Variants in MCCC2 observed in about 807,000 individuals in gnomAD.
MCCC2 encodes the protein methylcrotonyl-CoA carboxylase subunit 2, also known as methylcrotonoyl-CoA carboxylase beta chain, mitochondrial.
MCCC2 carries 52 observed loss-of-function variants against 77.2 expected under a neutral mutation model. The ratio of observed to expected loss-of-function variants is 0.67; its 90% confidence interval spans 0.54 to 0.85. The LOEUF (loss-of-function observed/expected upper bound fraction) is 0.85, where lower values mean the gene tolerates loss of function less well. MCCC2 is among the 40% of genes least tolerant of loss of function. MCCC2 has a pLI of 0.00. For missense variants in MCCC2, 682 were observed against 703.2 expected (o/e 0.97, Z 0.34); for synonymous variants, 253 against 248.4 (o/e 1.02, Z -0.18).
chr5:71,633,373 T>C (rs897428638), intron 8 of MCCC2, among the ~76,000 whole-genome samples: 2 of 151,954 alleles, frequency 1.3e-5, no homozygotes, highest in African/African-American at 4.8e-5. Context: ...CCTATTCCCC[T>C]TGGGACTTAG....
chr5:71,616,437 T>C (rs950559706), intron 6 of MCCC2, among the ~76,000 whole-genome samples: 7 of 152,218 alleles, frequency 4.6e-5, no homozygotes, highest in African/African-American at 1.7e-4. Flanking sequence ...CTGTAAGAAC[T>C]GAATTGGATT....
chr5:71,594,460 G>A (rs1326741051), intron 2 of MCCC2, among the ~76,000 whole-genome samples: 1 of 151,738 alleles, frequency 6.6e-6, no homozygotes, highest in East Asian at 1.9e-4. Flanking sequence ...CCTGGGAGGC[G>A]GAGGTTGCAG....
At chr5:71,633,957 G>A (rs1197662078) in intron 8 of MCCC2, among the ~76,000 whole-genome samples, 1 of 152,150 alleles carries the variant, frequency 6.6e-6, no homozygotes, top group Non-Finnish European at 1.5e-5. Context: ...ATGAAAAAGA[G>A]TAAACGTGGT....
intron 6 of MCCC2, among the ~76,000 whole-genome samples, chr5:71,617,709 A>G (rs990920629): frequency 2.6e-5 from 4 of 152,198 alleles, no homozygotes; most frequent in Non-Finnish European, 5.9e-5. Context: ...GATAGTAAGC[A>G]CCAGCTTCCT....
intron 10 of MCCC2, among the ~76,000 whole-genome samples, chr5:71,639,795 A>G (rs183008138): frequency 1.3e-5 from 2 of 152,352 alleles, no homozygotes; most frequent in Admixed American, 6.5e-5. Flanking sequence ...TTTTACAGGT[A>G]TATAGCACCC....
intron 6 of MCCC2, among the ~76,000 whole-genome samples, chr5:71,622,417 T>G (rs569267800): frequency 1.4e-4 from 21 of 152,164 alleles, no homozygotes; most frequent in Non-Finnish European, 2.5e-4. Flanking sequence ...TTTGACTCAT[T>G]AAAAAAATTT....
chr5:71,641,799 C>A (rs1415946577), intron 11 of MCCC2, among the ~76,000 whole-genome samples: 1 of 152,080 alleles, frequency 6.6e-6, no homozygotes, highest in East Asian at 1.9e-4. Flanking sequence ...AGGAAAAAAA[C>A]TAGCTGCAGA....
chr5:71,633,121 A>ATTTTTTTTT (rs1231509058), intron 8 of MCCC2, among the ~76,000 whole-genome samples: 10 of 29,828 alleles, frequency 3.4e-4, no homozygotes, highest in African/African-American at 5.9e-4. Flanking sequence ...ATATATATAT[A>ATTTTTTTTT]TATATATATA....
chr5:71,593,048 G>A, intron 2 of MCCC2, 56 bp downstream of exon 2: 1 of 1,349,334 alleles, frequency 7.4e-7, no homozygotes, highest in Admixed American at 1.8e-5. Flanking sequence ...TCCTAAAATA[G>A]TTATTGCTTT....
chr5:71,599,546 G>A lies in MCCC2; in HGVS notation c.282-113G>A. 5 of 796,854 alleles carry A rather than the reference G, an allele frequency of 6.3e-6. No homozygotes were observed. The South Asian group carries it at 7.2e-5, about 12-fold the overall frequency. 49.4% of individuals were successfully genotyped at this position (796,854 alleles called of 1,614,324 possible). A position where few individuals can be genotyped will look rare whatever the true frequency, so the allele number is the denominator to read the frequency against. On this transcript the variant is annotated intron_variant, in intron 3 of 16. Coordinates refer to ENST00000340941, the MANE Select transcript of MCCC2 (RefSeq NM_022132.5). ...AAAATAGATTTTATATACAACATGT[G>A]TATTTGAAATATTGTCCCATTGAGG...
Position 71,656,727 on chromosome 5 carries a change from T to C in MCCC2, c.1575-16T>C. 6.3e-7 allele frequency: 1 copy of C among 1,596,666 alleles called. No homozygotes were observed. Among genetic ancestry groups the C allele is most frequent in the East Asian group, 2.2e-5 (1 of 44,794 alleles). The stretch of plus-strand genomic sequence containing the variant: ...TTGGTGGTAAATTCATAACTCTTTT[T>C]TTGTTCTTTTGTCAGGGTATGGGAT... On this transcript the variant is annotated splice_polypyrimidine_tract_variant and intron_variant, in intron 16 of 16. Coordinates refer to ENST00000340941, the MANE Select transcript of MCCC2 (RefSeq NM_022132.5).
intron 6 of MCCC2, among the ~76,000 whole-genome samples, chr5:71,625,266 G>T (rs1746498709): frequency 6.6e-6 from 1 of 152,182 alleles, no homozygotes. Context: ...TGAACTCAGT[G>T]TTCTGGTACA....
At position 71,602,630 on chromosome 5, in the gene MCCC2, T is replaced by G; in HGVS notation, c.508T>G (p.Leu170Val). ...AMQNRLPCIY[L>V]VDSGGAYLPR... ...GCAAAACAGGCTCCCCTGCATCTAC[T>G]TAGGCAAGTCACCAGAGTGGTAAAA... The change falls in exon 5 of 17, where the codon TTA (leucine) becomes GTA (valine). Residue 170 changes from leucine to valine, a missense_variant. Coordinates refer to ENST00000340941, the MANE Select transcript of MCCC2 (RefSeq NM_022132.5). The G allele has an allele frequency of 6.2e-7, 1 of 1,614,190 alleles. No homozygotes were observed. The highest frequency in any genetic ancestry group is 8.5e-7 in the Non-Finnish European group (1 of 1,180,032).
At chr5:71,595,660 A>G (rs1289511835) in intron 2 of MCCC2, among the ~76,000 whole-genome samples, 2 of 152,176 alleles carry the variant, frequency 1.3e-5, no homozygotes, top group Non-Finnish European at 2.9e-5. Context: ...AGTGGGTTAT[A>G]GATATTCCCA....
intron 6 of MCCC2, among the ~76,000 whole-genome samples, chr5:71,619,635 G>A (rs1284524417): frequency 1.3e-5 from 2 of 152,096 alleles, no homozygotes; most frequent in African/African-American, 2.4e-5. Context: ...CTGGGTTCAA[G>A]CAATCCTCTT....
At chr5:71,618,216 A>G (rs745555766) in intron 6 of MCCC2, among the ~76,000 whole-genome samples, 10 of 152,284 alleles carry the variant, frequency 6.6e-5, no homozygotes, top group African/African-American at 2.2e-4. Context: ...TGTGATTGCC[A>G]TTGTGGTGAT....
At chr5:71,623,293 G>T (rs894846671) in intron 6 of MCCC2, among the ~76,000 whole-genome samples, 3 of 152,162 alleles carry the variant, frequency 2.0e-5, no homozygotes, top group Admixed American at 6.5e-5. Flanking sequence ...GAGTCTGGGC[G>T]CAGTGTAGCT....
chr5:71,598,071 C>CTTT (rs541775693), intron 3 of MCCC2, among the ~76,000 whole-genome samples: 13 of 129,492 alleles, frequency 1.0e-4, no homozygotes, highest in Admixed American at 1.6e-4. Context: ...GTGAGTGTTT[C>CTTT]TTTTTTTTTT....
chr5:71,621,881 G>A (rs1746360931), intron 6 of MCCC2, among the ~76,000 whole-genome samples: 1 of 152,120 alleles, frequency 6.6e-6, no homozygotes, highest in Admixed American at 6.6e-5. Context: ...CACATTTAAA[G>A]TAACTTAAAG....
Sources: gnomAD v4.1 joint callset for allele counts (sites outside exome capture counted in the v4.1 genomes callset) on GRCh38, gnomAD v4.1.1 for gene constraint, MANE v1.5 for transcripts, NCBI Gene and HGNC (gene_info 2026-07-23, HGNC 2026-07-21) for gene names.